AASDH: variants seen among roughly 807,000 people sequenced by gnomAD.
AASDH encodes the protein aminoadipate-semialdehyde dehydrogenase, also known as beta-alanine-activating enzyme.
AASDH carries 81 observed loss-of-function variants against 102.3 expected under a neutral mutation model. That is an observed-to-expected ratio of 0.79 (90% CI 0.66 to 0.95). The LOEUF (loss-of-function observed/expected upper bound fraction) is 0.95, where lower values mean the gene tolerates loss of function less well. Among genes scored for constraint, AASDH ranks in the 40% least tolerant of loss-of-function variants. The probability of loss-of-function intolerance (pLI) is 0.00; values close to 1 mark genes in which losing one functional copy is unlikely to be tolerated. For synonymous variants in AASDH, 398 were observed against 454.0 expected, an observed-to-expected ratio of 0.88 and a Z score of 1.57; for missense variants, 1,203 against 1,266.2, an observed-to-expected ratio of 0.95 and a Z score of 0.76.
chr4:56,355,070 A>T, intron 6 of AASDH, 112 bp downstream of exon 6: 1 of 1,291,422 alleles, frequency 7.7e-7, no homozygotes, highest in Non-Finnish European at 1.0e-6. Context: ...AATATCAGAT[A>T]CAATCGTGTT....
At chr4:56,367,162 G>A (rs1320342535) in intron 5 of AASDH, among the ~76,000 whole-genome samples, 1 of 152,084 alleles carries the variant, frequency 6.6e-6, no homozygotes, top group Admixed American at 6.6e-5. Flanking sequence ...ACTTACAAGG[G>A]ACGTGAAGGA....
At chr4:56,361,542 A>T (rs1445189233) in intron 5 of AASDH, among the ~76,000 whole-genome samples, 2 of 152,234 alleles carry the variant, frequency 1.3e-5, no homozygotes, top group Admixed American at 1.3e-4. Flanking sequence ...CAAAAATGAG[A>T]CTTAGTAGAT....
At chr4:56,343,515 A>C in intron 13 of AASDH, 47 bp downstream of exon 13, 1 of 1,493,350 alleles carries the variant, frequency 6.7e-7, no homozygotes, top group Non-Finnish European at 9.0e-7. Context: ...AAATTTTACA[A>C]ATTTAAAGAA....
intron 3 of AASDH, chr4:56,381,866 C>T (rs1040470507): frequency 6.6e-6 from 1 of 151,940 alleles, no homozygotes; most frequent in African/African-American, 2.4e-5. Flanking sequence ...GATATAACAC[C>T]AATTCTTGCC....
At chr4:56,369,865 G>A (rs1231017921) in intron 5 of AASDH, among the ~76,000 whole-genome samples, 26 of 149,684 alleles carry the variant, frequency 1.7e-4, no homozygotes, top group East Asian at 2.0e-4. Context: ...TCTTGAGCCC[G>A]GGAGACAGAC....
intron 5 of AASDH, among the ~76,000 whole-genome samples, chr4:56,365,077 G>C (rs1331622666): frequency 6.6e-6 from 1 of 151,692 alleles, no homozygotes; most frequent in Non-Finnish European, 1.5e-5. Flanking sequence ...TCCTAGTCTC[G>C]GATAAAATAG....
At chr4:56,360,377 T>C (rs1260341752) in intron 5 of AASDH, among the ~76,000 whole-genome samples, 1 of 152,184 alleles carries the variant, frequency 6.6e-6, no homozygotes, top group Non-Finnish European at 1.5e-5. Context: ...TTCAAGATCA[T>C]CATTTCCACA....
intron 14 of AASDH, among the ~76,000 whole-genome samples, chr4:56,341,838 G>A (rs996786196): frequency 5.9e-5 from 9 of 152,002 alleles, no homozygotes; most frequent in Admixed American, 2.6e-4. Flanking sequence ...GGGGCCGGGC[G>A]TGGTGGCTCA....
intron 5 of AASDH, among the ~76,000 whole-genome samples, chr4:56,370,609 G>A (rs970864804): frequency 2.0e-5 from 3 of 152,094 alleles, no homozygotes; most frequent in Non-Finnish European, 2.9e-5. Context: ...TGGGCCCCTC[G>A]TGAGAGATCA....
intron 5 of AASDH, among the ~76,000 whole-genome samples, chr4:56,359,288 A>C (rs1377211642): frequency 6.6e-6 from 1 of 151,834 alleles, no homozygotes; most frequent in Non-Finnish European, 1.5e-5. Flanking sequence ...GCCCAGGCTG[A>C]AGTGCAGTGG....
rs554608788 is a variant in AASDH at position 56,365,790 on chromosome 4, T to G, written c.861+5661A>C. Among the ~76,000 whole-genome samples, 20 of 152,258 alleles carry G rather than the reference T, an allele frequency of 1.3e-4. 1 individual carries two copies. In the South Asian group the frequency reaches 4.1e-3, roughly 32 times the overall value. On this transcript the variant is annotated intron_variant, in intron 5 of 14. Transcript: ENST00000205214. ...CAGGAAAGATCTAAAATTGACAACC[T>G]AACATCTTAATTAAAAGAACTAGAG...
In AASDH at chr4:56,371,542, G is replaced by A; in HGVS notation, c.770C>T (p.Ala257Val). 2 of 1,613,112 alleles carry A rather than the reference G, an allele frequency of 1.2e-6. No individual in the cohort carries two copies. Among genetic ancestry groups the A allele is most frequent in the Admixed American group, 1.7e-5 (1 of 59,610 alleles). The stretch of plus-strand genomic sequence containing the variant: ...GGAAGTTGGTACAATAAGCAGAGAG[G>A]CACCACTTGATAGAGCAAGAAATAT... ...VEIFLALSSG[A>V]SLLIVPTSVK... is the part of the protein sequence containing the mutation. Residue 257 changes from alanine to valine, a missense_variant, in exon 5 of 15, where the codon GCC (alanine) becomes GTC (valine). Ala to Val is a moderately conservative substitution (Grantham distance 64). Coordinates refer to ENST00000205214, the MANE Select transcript of AASDH (RefSeq NM_181806.4).
rs201806350 is a variant in AASDH at position 56,348,159 on chromosome 4, G to GA, written c.2488+1103dup. 8.4e-3 allele frequency among the ~76,000 whole-genome samples: 1,093 copies of GA among 129,674 alleles called. 10 individuals are homozygous for GA. Among genetic ancestry groups the GA allele is most frequent in the Non-Finnish European group, 0.012 (687 of 59,396 alleles). The allele number at this position is 129,674 out of a possible 152,430, so 85.1% of individuals were successfully genotyped here. On this transcript the variant is annotated intron_variant, in intron 11 of 14. Coordinates refer to ENST00000205214, the MANE Select transcript of AASDH (RefSeq NM_181806.4). ...GAGCCAGACTCCATCTCAAAAAAAA[G>GA]AAAAAAAAAAAAAGTACATGAATTC...
intron 8 of AASDH, among the ~76,000 whole-genome samples, chr4:56,353,815 AT>A (rs1749268360): frequency 6.6e-6 from 1 of 152,342 alleles, no homozygotes; most frequent in Non-Finnish European, 1.5e-5. Context: ...AGCCAGTTAA[AT>A]TTCACAAATA....
At chr4:56,358,168 T>C (rs1560585844) in intron 5 of AASDH, among the ~76,000 whole-genome samples, 1 of 151,972 alleles carries the variant, frequency 6.6e-6, no homozygotes, top group Non-Finnish European at 1.5e-5. Context: ...TATATAGAAA[T>C]ACAATTGATT....
At chr4:56,351,275 A>G (rs1395489480) in intron 10 of AASDH, 67 bp downstream of exon 10, 7 of 974,212 alleles carry the variant, frequency 7.2e-6, no homozygotes, top group Non-Finnish European at 1.1e-5. Context: ...TTGTTAGGAT[A>G]ATAGCAGTCC....
In AASDH at chr4:56,355,443, AATTT is replaced by A. The variant is rs1446773295; in HGVS notation, c.862-24_862-21del. 9 of 1,593,602 alleles carry A rather than the reference AATTT, an allele frequency of 5.6e-6. No individual in the cohort carries two copies. Among genetic ancestry groups the A allele is most frequent in the African/African-American group, 2.7e-5 (2 of 73,640 alleles). The stretch of plus-strand genomic sequence containing the variant: ...TGTTGCCTGTAGATACATTAAAAAT[AATTT>A]ATTTATTTTCCTTCACTTCTTTAAA... On this transcript the variant is annotated intron_variant, in intron 5 of 14. Transcript: ENST00000205214.
Position 56,371,436 on chromosome 4 carries a change from G to A in AASDH, c.861+15C>T, listed in dbSNP as rs1169404488. 6.3e-7 allele frequency: 1 copy of A among 1,579,156 alleles called. No individual in the cohort carries two copies. Among genetic ancestry groups the A allele is most frequent in the Admixed American group, 2.1e-5 (1 of 48,310 alleles). On this transcript the variant is annotated intron_variant, in intron 5 of 14. Coordinates refer to ENST00000205214, the MANE Select transcript of AASDH (RefSeq NM_181806.4). ...AAAAATGATAAACAAAACGTTCATT[G>A]CTACTAAAATGTACCTGCAAAACAG...
At position 56,378,201 on chromosome 4, in the gene AASDH, C is replaced by T. The variant is rs763636274; in HGVS notation, c.615G>A (p.Pro205=). ...VLHTSGTTGI[P]KIVRVPHKCI... is the part of the protein sequence containing the mutation. ...ACTTATGAGGCACTCTGACAATCTT[C>T]GGTATCCCTGTAGTCCCTGATGTAT... Residue 205 remains proline, a synonymous_variant, in exon 4 of 15, where the codon CCG becomes CCA. Transcript: ENST00000205214. The T allele has an allele frequency of 6.8e-6, 11 of 1,613,192 alleles. No homozygotes were observed. The highest frequency in any genetic ancestry group is 4.4e-5 in the South Asian group (4 of 90,834).
Sources: gnomAD v4.1 joint callset for allele counts (sites outside exome capture counted in the v4.1 genomes callset) on GRCh38, gnomAD v4.1.1 for gene constraint, MANE v1.5 for transcripts, NCBI Gene and HGNC (gene_info 2026-07-23, HGNC 2026-07-21) for gene names.